Variants in ITPRIP observed in about 807,000 individuals in gnomAD.
ITPRIP encodes inositol 1,4,5-trisphosphate receptor-interacting protein.
A neutral mutation model predicts 35.8 loss-of-function variants in ITPRIP; 32 were observed. That is an observed-to-expected ratio of 0.89 (90% CI 0.68 to 1.20). The LOEUF (loss-of-function observed/expected upper bound fraction) is 1.20, where lower values mean the gene tolerates loss of function less well. ITPRIP is among the 50% of genes most tolerant of loss of function. The pLI, the probability that ITPRIP is intolerant of heterozygous loss-of-function variation, is 0.00. For synonymous variants in ITPRIP, 358 were observed against 324.0 expected, an observed-to-expected ratio of 1.11 and a Z score of -1.13; for missense variants, 653 against 735.6, an observed-to-expected ratio of 0.89 and a Z score of 1.30.
rs1207577543 is a variant in ITPRIP, at chr10:104,313,623, C to T, written c.*785G>A. ...GAGAGGTGGGGGGCTGCTGAGCTGGCACCCAGTGTGGCAAATACCCACCAC... is the reference window on the plus strand; with the variant it reads ...GAGAGGTGGGGGGCTGCTGAGCTGGTACCCAGTGTGGCAAATACCCACCAC... On this transcript the variant is annotated 3_prime_UTR_variant, in exon 2 of 2. Coordinates refer to ENST00000337478, the MANE Select transcript of ITPRIP (RefSeq NM_001272013.2). 2.3e-5 allele frequency: 23 copies of T among 985,456 alleles called. No homozygotes were observed. The highest frequency in any genetic ancestry group is 2.5e-5 in the Non-Finnish European group (21 of 830,082). The allele number at this position is 985,456 out of a possible 1,614,324, so 61.0% of individuals were successfully genotyped here. A position where few individuals can be genotyped will look rare whatever the true frequency, so the allele number is the denominator to read the frequency against.
Position 104,315,225 on chromosome 10 carries a change from A to T in ITPRIP, c.827T>A (p.Met276Lys), listed in dbSNP as rs1202018697. ...CTCCATGTCGCCGCAGGGAGGCGCCATGCTGTTCCTGCCGTGCAGGAGACA... is the reference window on the plus strand; with the variant it reads ...CTCCATGTCGCCGCAGGGAGGCGCCTTGCTGTTCCTGCCGTGCAGGAGACA... ...MLCLLHGRNS[M>K]APPCGDMENL... The change falls in exon 2 of 2, where the codon ATG (methionine) becomes AAG (lysine). Residue 276 changes from methionine (M) to lysine (K), a missense_variant. Met to Lys is a moderately conservative substitution (Grantham distance 95). Coordinates refer to ENST00000337478, the MANE Select transcript of ITPRIP (RefSeq NM_001272013.2). The surrounding 1 kb of genome is among the most constrained non-coding windows in gnomAD (Gnocchi z 5.7). 5.0e-6 allele frequency: 8 copies of T among 1,613,732 alleles called. No individual in the cohort carries two copies. Among genetic ancestry groups the T allele is most frequent in the Middle Eastern group, 1.6e-4 (1 of 6,078 alleles).
At chr10:104,317,340 C>T (rs77199701) in intron 1 of ITPRIP, among the ~76,000 whole-genome samples, 5,272 of 152,232 alleles carry the variant, frequency 0.035, 332 homozygotes, top group African/African-American at 0.12. Flanking sequence ...ACAATCTTTG[C>T]AATTCGAAGT....
chr10:104,312,913 G>T lies in ITPRIP; in HGVS notation c.*1495C>A. The T allele has an allele frequency of 2.0e-6, 2 of 985,448 alleles. No homozygotes were observed. The highest frequency in any genetic ancestry group is 1.7e-5 in the African/African-American group (1 of 57,358). 61.0% of individuals were successfully genotyped at this position (985,448 alleles called of 1,614,324 possible). On this transcript the variant is annotated 3_prime_UTR_variant, in exon 2 of 2. Coordinates refer to ENST00000337478, the MANE Select transcript of ITPRIP (RefSeq NM_001272013.2). ...TCCCTGGCCCCCTGCAAGGGTAACT[G>T]AAGTAACGGTGAGATAGGAAATCTC...
chr10:104,325,063 T>TA (rs1230328501), intron 1 of ITPRIP, among the ~76,000 whole-genome samples: 3 of 151,982 alleles, frequency 2.0e-5, no homozygotes, highest in Non-Finnish European at 4.4e-5. Context: ...ACCAAAAATA[T>TA]AAAAAAACTA....
At chr10:104,325,960 G>A (rs917536163) in intron 1 of ITPRIP, among the ~76,000 whole-genome samples, 4 of 152,140 alleles carry the variant, frequency 2.6e-5, no homozygotes, top group African/African-American at 9.7e-5. Context: ...AGAGGGGAGA[G>A]CTCCACCCCA....
intron 1 of ITPRIP, 25 bp from the exon 2 acceptor site, chr10:104,316,089 A>C (rs1344277579): frequency 6.6e-7 from 1 of 1,513,648 alleles, no homozygotes; most frequent in Non-Finnish European, 8.8e-7. Context: ...ACAGATGGTC[A>C]CACCAAGCTT....
chr10:104,326,230 A>G lies in ITPRIP; in HGVS notation c.-13-10166T>C, dbSNP rs936197102. 1.4e-4 allele frequency: 21 copies of G among 152,288 alleles called. 1 individual carries two copies. Among genetic ancestry groups the G allele is most frequent in the Admixed American group, 1.4e-3 (21 of 15,288 alleles). 9.4% of individuals were successfully genotyped at this position (152,288 alleles called of 1,614,324 possible). A position where few individuals can be genotyped will look rare whatever the true frequency, so the allele number is the denominator to read the frequency against. Reference sequence around the variant, plus strand: ...TCATGGGGGTGGTCTGCCAGCCAGCAGAGGCACAGGAAGGACAGAGGGCTG... The same window carrying G: ...TCATGGGGGTGGTCTGCCAGCCAGCGGAGGCACAGGAAGGACAGAGGGCTG... On this transcript the variant is annotated intron_variant, in intron 1 of 1. Transcript: ENST00000337478. This position sits in a 1 kb window ranked among gnomAD's most constrained non-coding sequence, Gnocchi z 4.8.
intron 1 of ITPRIP, among the ~76,000 whole-genome samples, chr10:104,334,408 C>T (rs780543118): frequency 1.3e-4 from 20 of 152,208 alleles, no homozygotes; most frequent in Middle Eastern, 3.2e-3. Flanking sequence ...TCCAGGTTAC[C>T]GGATCATCCT....
chr10:104,332,927 T>A (rs570041081), intron 1 of ITPRIP, among the ~76,000 whole-genome samples: 2 of 152,328 alleles, frequency 1.3e-5, no homozygotes, highest in South Asian at 2.1e-4. Context: ...GTGCATTTCA[T>A]CATAACGCTC....
intron 1 of ITPRIP, among the ~76,000 whole-genome samples, chr10:104,337,720 C>G (rs1221463279): frequency 6.6e-6 from 1 of 151,934 alleles, no homozygotes; most frequent in East Asian, 1.9e-4. Flanking sequence ...TTTATCCGGC[C>G]TGAAGCAGCC....
intron 1 of ITPRIP, among the ~76,000 whole-genome samples, chr10:104,324,534 C>A (rs2013939234): frequency 6.6e-6 from 1 of 152,178 alleles, no homozygotes; most frequent in Non-Finnish European, 1.5e-5. Context: ...AGCCCTGACC[C>A]CGTCCAGTCA....
At chr10:104,329,426 C>G (rs2014104901) in intron 1 of ITPRIP, among the ~76,000 whole-genome samples, 1 of 152,180 alleles carries the variant, frequency 6.6e-6, no homozygotes, top group South Asian at 2.1e-4. Context: ...ACTATGACAT[C>G]ATTTTCTAGT....
chr10:104,318,123 T>C (rs1303042052), intron 1 of ITPRIP, among the ~76,000 whole-genome samples: 1 of 152,132 alleles, frequency 6.6e-6, no homozygotes, highest in African/African-American at 2.4e-5. Flanking sequence ...AAGGAAAAAG[T>C]GCAGGGGGCA....
chr10:104,328,276 T>G lies in ITPRIP; in HGVS notation c.-14+9970A>C, dbSNP rs2014073638. ...TACATTGGCTTGGTCTGGGCTCGTATTCCTCCGAATTTCCCCTAGCCCTGT... is the reference window on the plus strand; with the variant it reads ...TACATTGGCTTGGTCTGGGCTCGTAGTCCTCCGAATTTCCCCTAGCCCTGT... On this transcript the variant is annotated intron_variant, in intron 1 of 1. Coordinates refer to ENST00000337478, the MANE Select transcript of ITPRIP (RefSeq NM_001272013.2). The surrounding 1 kb of genome is among the most constrained non-coding windows in gnomAD (Gnocchi z 4.1). 1.0e-6 allele frequency: 1 copy of G among 985,318 alleles called. No homozygotes were observed. Among genetic ancestry groups the G allele is most frequent in the African/African-American group, 1.7e-5 (1 of 57,226 alleles). The allele number at this position is 985,318 out of a possible 1,614,324, so 61.0% of individuals were successfully genotyped here. A position where few individuals can be genotyped will look rare whatever the true frequency, so the allele number is the denominator to read the frequency against.
chr10:104,315,538 G>A lies in ITPRIP; in HGVS notation c.514C>T (p.Leu172=), dbSNP rs2013645582. ...TTGCAGAGGCTCCTCAGGGCTTCCA[G>A]CAAGTCATCCACGAAGCCTTCCAGG... is the stretch of plus-strand genomic sequence containing the variant. The part of the protein sequence containing the change: ...EFLEGFVDDL[L]EALRSLCNRD... Residue 172 remains leucine (L), a synonymous_variant, in exon 2 of 2, where the codon CTG becomes TTG. Transcript: ENST00000337478. This position sits in a 1 kb window ranked among gnomAD's most constrained non-coding sequence, Gnocchi z 5.7. The A allele has an allele frequency of 6.2e-7, 1 of 1,614,100 alleles. No individual in the cohort carries two copies. Among genetic ancestry groups the A allele is most frequent in the Non-Finnish European group, 8.5e-7 (1 of 1,180,038 alleles).
At chr10:104,321,753 A>G (rs534687230) in intron 1 of ITPRIP, among the ~76,000 whole-genome samples, 1 of 141,150 alleles carries the variant, frequency 7.1e-6, no homozygotes, top group East Asian at 2.1e-4. Context: ...GGTGGGTGCC[A>G]TCCCTGTTTT....
intron 1 of ITPRIP, among the ~76,000 whole-genome samples, chr10:104,318,831 A>G (rs143222218): frequency 2.0e-5 from 3 of 152,388 alleles, no homozygotes; most frequent in Non-Finnish European, 4.4e-5. Context: ...CTACTGTTAT[A>G]AAGCTTGAAC....
rs145386193 is a variant in ITPRIP at position 104,315,372 on chromosome 10, C to A, written c.680G>T (p.Trp227Leu). Residue 227 changes from tryptophan (W) to leucine (L), a missense_variant, in exon 2 of 2, where the codon TGG becomes TTG. Physicochemically the swap from Trp to Leu is moderately conservative, Grantham distance 61. Coordinates refer to ENST00000337478, the MANE Select transcript of ITPRIP (RefSeq NM_001272013.2). The surrounding 1 kb of genome is among the most constrained non-coding windows in gnomAD (Gnocchi z 5.7). The part of the protein sequence containing the change: ...PEPYRFHPEL[W>L]CSGRSVPLDR... ...CAGGGGCACTGAGCGGCCGGAGCACCAGAGCTCTGGGTGGAAGCGGTAGGG... is the reference window on the plus strand; with the variant it reads ...CAGGGGCACTGAGCGGCCGGAGCACAAGAGCTCTGGGTGGAAGCGGTAGGG... 2.0e-3 allele frequency: 3,157 copies of A among 1,564,088 alleles called. 65 individuals are homozygous for A. In the African/African-American group the frequency reaches 0.039, roughly 19 times the overall value.
At chr10:104,325,803 A>C (rs1000234357) in intron 1 of ITPRIP, among the ~76,000 whole-genome samples, 2 of 152,178 alleles carry the variant, frequency 1.3e-5, no homozygotes, top group Non-Finnish European at 2.9e-5. Flanking sequence ...GCTTGGTATT[A>C]GAGTAAGGCC....
Sources: allele counts gnomAD v4.1 joint callset (sites outside exome capture counted in the v4.1 genomes callset), GRCh38; gene constraint gnomAD v4.1.1; non-coding constraint Gnocchi (gnomAD v3.1); transcripts MANE v1.5; gene names NCBI Gene and HGNC (gene_info 2026-07-23, HGNC 2026-07-21).